Variants in HS6ST3 observed in about 807,000 individuals in gnomAD.
The protein encoded by HS6ST3 is heparan sulfate 6-O-sulfotransferase 3.
Under a neutral mutation model 36.7 loss-of-function variants are expected in HS6ST3, and 12 were observed. The observed-to-expected ratio is 0.33, with a 90% CI of 0.21 to 0.53. HS6ST3 has a LOEUF of 0.53. HS6ST3 is among the 20% of genes least tolerant of loss of function. The pLI is 0.95. For synonymous variants in HS6ST3, 240 were observed against 257.5 expected, an observed-to-expected ratio of 0.93 and a Z score of 0.65; for missense variants, 584 against 640.9, an observed-to-expected ratio of 0.91 and a Z score of 0.96.
chr13:96,654,240 T>C (rs184282545), intron 1 of HS6ST3, among the ~76,000 whole-genome samples: 140 of 152,344 alleles, frequency 9.2e-4, no homozygotes, highest in African/African-American at 3.1e-3. Flanking sequence ...ATTTTGGCTT[T>C]TGTTGCCATT....
chr13:96,109,747 A>G (rs1268631026), intron 1 of HS6ST3, among the ~76,000 whole-genome samples: 1 of 152,152 alleles, frequency 6.6e-6, no homozygotes, highest in African/African-American at 2.4e-5. Flanking sequence ...GAGGGTGCAG[A>G]TGGTGAGCTA....
chr13:96,237,664 T>G (rs569959378), intron 1 of HS6ST3, among the ~76,000 whole-genome samples: 1 of 152,180 alleles, frequency 6.6e-6, no homozygotes, highest in Admixed American at 6.5e-5. Flanking sequence ...TTACCTCTAA[T>G]CTTGTTTTTA....
intron 1 of HS6ST3, among the ~76,000 whole-genome samples, chr13:96,388,515 A>G (rs2055379731): frequency 6.6e-6 from 1 of 152,226 alleles, no homozygotes; most frequent in South Asian, 2.1e-4. Context: ...GAATGGGCCC[A>G]TAGGCCTAGA....
chr13:96,717,002 A>G (rs1430168253), intron 1 of HS6ST3, among the ~76,000 whole-genome samples: 2 of 152,208 alleles, frequency 1.3e-5, no homozygotes, highest in African/African-American at 2.4e-5. Context: ...AATCGGGTCC[A>G]TTAGCTAACG....
intron 1 of HS6ST3, among the ~76,000 whole-genome samples, chr13:96,352,890 G>A (rs1312035340): frequency 2.0e-5 from 3 of 152,012 alleles, no homozygotes; most frequent in African/African-American, 7.2e-5. Context: ...CCCATTACAG[G>A]TGGGAATTGG....
chr13:96,449,042 G>T (rs943684078), intron 1 of HS6ST3, among the ~76,000 whole-genome samples: 1 of 152,050 alleles, frequency 6.6e-6, no homozygotes, highest in African/African-American at 2.4e-5. Context: ...GCTCACTGCT[G>T]CCTCGACTTC....
intron 1 of HS6ST3, among the ~76,000 whole-genome samples, chr13:96,399,785 G>A (rs2139456546): frequency 6.6e-6 from 1 of 152,268 alleles, no homozygotes; most frequent in African/African-American, 2.4e-5. Flanking sequence ...ACTTACAACT[G>A]AAAGACATAA....
intron 1 of HS6ST3, among the ~76,000 whole-genome samples, chr13:96,431,855 A>G (rs560503419): frequency 9.2e-5 from 14 of 152,240 alleles, no homozygotes; most frequent in African/African-American, 3.1e-4. Flanking sequence ...CAAACTTTCC[A>G]CTGTACAATC....
Position 96,466,325 on chromosome 13 carries a change from A to G in HS6ST3, c.708-366165A>G, listed in dbSNP as rs559714032. Among the ~76,000 whole-genome samples, 3 of 152,248 alleles carry G rather than the reference A, an allele frequency of 2.0e-5. No individual in the cohort carries two copies. The South Asian group carries it at 6.2e-4, about 32-fold the overall frequency. Reference sequence around the variant, plus strand: ...CTATCTTAGCAAATTTCAAGTGTACAATTCGATTACTGTATTAACTATAGT... The same window carrying G: ...CTATCTTAGCAAATTTCAAGTGTACGATTCGATTACTGTATTAACTATAGT... On this transcript the variant is annotated intron_variant, in intron 1 of 1. Coordinates refer to ENST00000376705, the MANE Select transcript of HS6ST3 (RefSeq NM_153456.4).
At chr13:96,408,945 A>C (rs1249761610) in intron 1 of HS6ST3, among the ~76,000 whole-genome samples, 2 of 152,132 alleles carry the variant, frequency 1.3e-5, no homozygotes, top group African/African-American at 4.8e-5. Flanking sequence ...AAAGAAAAGA[A>C]AAGAAAATAC....
At chr13:96,745,798 T>C (rs1876547491) in intron 1 of HS6ST3, among the ~76,000 whole-genome samples, 1 of 152,034 alleles carries the variant, frequency 6.6e-6, no homozygotes, top group African/African-American at 2.4e-5. Flanking sequence ...CCAACATTAC[T>C]CTTATAGCCA....
chr13:96,360,942 T>TCC (rs71113993), intron 1 of HS6ST3, among the ~76,000 whole-genome samples: 4,119 of 88,692 alleles, frequency 0.046, 134 homozygotes, highest in African/African-American at 0.13. Context: ...CAAGACCCTG[T>TCC]CCCAAAAAAA....
rs866429193 is a variant in HS6ST3, at chr13:96,313,169, C to T, written c.707+221600C>T. Among the ~76,000 whole-genome samples the T allele has an allele frequency of 1.8e-4, 28 of 152,070 alleles. No homozygotes were observed. In the Middle Eastern group the frequency reaches 0.014, roughly 74 times the overall value. Reference sequence around the variant, plus strand: ...GAAGCTGGCAACTGCCTCGAGGTAGCTGCTGGATTGAGAGCCTGCTTCCCA... The same window carrying T: ...GAAGCTGGCAACTGCCTCGAGGTAGTTGCTGGATTGAGAGCCTGCTTCCCA... On this transcript the variant is annotated intron_variant, in intron 1 of 1. Coordinates refer to ENST00000376705, the MANE Select transcript of HS6ST3 (RefSeq NM_153456.4).
intron 1 of HS6ST3, among the ~76,000 whole-genome samples, chr13:96,517,390 A>G (rs2056076862): frequency 6.6e-6 from 1 of 152,158 alleles, no homozygotes; most frequent in Non-Finnish European, 1.5e-5. Flanking sequence ...AAACAACAGT[A>G]ACAACAAAAT....
intron 1 of HS6ST3, among the ~76,000 whole-genome samples, chr13:96,465,370 G>A (rs974352913): frequency 9.9e-5 from 15 of 152,020 alleles, no homozygotes; most frequent in Non-Finnish European, 1.8e-4. Context: ...ACATACATGG[G>A]GGAATACTCA....
chr13:96,482,352 T>G (rs2055893967), intron 1 of HS6ST3, among the ~76,000 whole-genome samples: 1 of 152,198 alleles, frequency 6.6e-6, no homozygotes, highest in African/African-American at 2.4e-5. Flanking sequence ...ACAGAGATCA[T>G]TAGCTTTCAA....
intron 1 of HS6ST3, among the ~76,000 whole-genome samples, chr13:96,347,110 G>C (rs1231338852): frequency 1.3e-5 from 2 of 152,152 alleles, no homozygotes; most frequent in African/African-American, 4.8e-5. Context: ...CTTCATTGCA[G>C]CTTGTGAGAG....
intron 1 of HS6ST3, among the ~76,000 whole-genome samples, chr13:96,667,964 A>G (rs1230787149): frequency 5.3e-5 from 8 of 152,152 alleles, no homozygotes; most frequent in Non-Finnish European, 1.2e-4. Context: ...AAAAATAGCT[A>G]TTTCCAAAGC....
intron 1 of HS6ST3, among the ~76,000 whole-genome samples, chr13:96,739,232 T>C (rs9554361): frequency 1.3e-5 from 1 of 77,696 alleles, no homozygotes; most frequent in East Asian, 5.4e-4. Context: ...TGTGTGTGTG[T>C]GTGTGTGTGT....
Sources: allele counts gnomAD v4.1 joint callset (sites outside exome capture counted in the v4.1 genomes callset), GRCh38; gene constraint gnomAD v4.1.1; transcripts MANE v1.5; gene names NCBI Gene and HGNC (gene_info 2026-07-23, HGNC 2026-07-21).